Variants in ADGRE3 observed in about 807,000 individuals in gnomAD.
The protein encoded by ADGRE3 is adhesion G protein-coupled receptor E3.
In ADGRE3, 88 loss-of-function variants were observed where a neutral mutation model predicts 80.1. That is an observed-to-expected ratio of 1.10 (90% CI 0.93 to 1.31). ADGRE3 has a LOEUF of 1.31. Ranked by LOEUF, ADGRE3 falls within the 40% of genes most tolerant of loss-of-function variation. ADGRE3 has a pLI of 0.00. For missense variants in ADGRE3, 715 were observed against 776.5 expected (o/e 0.92, Z 0.94); for synonymous variants, 281 against 294.8 (o/e 0.95, Z 0.48).
In ADGRE3 at chr19:14,647,355, G is replaced by A; in HGVS notation, c.708C>T (p.Ala236=). 1 of 1,605,600 alleles carries A rather than the reference G, an allele frequency of 6.2e-7. No homozygotes were observed. Among genetic ancestry groups the A allele is most frequent in the East Asian group, 2.2e-5 (1 of 44,810 alleles). The stretch of plus-strand genomic sequence containing the variant: ...GAGAAGAATATGAGATAAAGGCAAT[G>A]GCACTGGGACCTGAGGAAACAGAAA... ...IIQGDTQGPS[A]IAFISYSSLG... is the part of the protein sequence containing the mutation. The change falls in exon 8 of 16, where the codon GCC becomes GCT. Residue 236 remains alanine (A), a synonymous_variant. Coordinates refer to ENST00000253673, the MANE Select transcript of ADGRE3 (RefSeq NM_032571.5).
chr19:14,657,133 G>C (rs545292743), intron 5 of ADGRE3, among the ~76,000 whole-genome samples: 2 of 152,082 alleles, frequency 1.3e-5, no homozygotes, highest in East Asian at 3.9e-4. Flanking sequence ...CTGACCTCGG[G>C]TGATCCACCC....
At chr19:14,655,835 A>T (rs1228143061) in intron 5 of ADGRE3, among the ~76,000 whole-genome samples, 1 of 151,918 alleles carries the variant, frequency 6.6e-6, no homozygotes, top group Non-Finnish European at 1.5e-5. Context: ...GTGGTTCTCA[A>T]CGGGGGGGTG....
chr19:14,636,293 C>T (rs1257803345), intron 11 of ADGRE3, among the ~76,000 whole-genome samples: 1 of 147,578 alleles, frequency 6.8e-6, no homozygotes, highest in Non-Finnish European at 1.5e-5. Flanking sequence ...AATCACAGCT[C>T]ACTGCAACTT....
intron 7 of ADGRE3, among the ~76,000 whole-genome samples, chr19:14,649,996 A>C (rs1302379080): frequency 4.8e-4 from 42 of 88,006 alleles, no homozygotes; most frequent in South Asian, 7.6e-4. Flanking sequence ...CTCTCTCTCC[A>C]TCTCTCCCTC....
chr19:14,617,254 T>C (rs185383719), downstream of ADGRE3, among the ~76,000 whole-genome samples: 3,196 of 151,616 alleles, frequency 0.021, 53 homozygotes, highest in African/African-American at 0.046. Context: ...CTTTTTTCTT[T>C]CTTCCTTCCT....
intron 11 of ADGRE3, among the ~76,000 whole-genome samples, chr19:14,633,726 AAT>A (rs1970954529): frequency 6.7e-6 from 1 of 149,210 alleles, no homozygotes; most frequent in African/African-American, 2.5e-5. Flanking sequence ...AATAAAATAA[AAT>A]AAAATAAAAT....
At chr19:14,605,848 C>T in the ADGRE3 span, among the ~76,000 whole-genome samples, 1 of 152,100 alleles carries the variant, frequency 6.6e-6, no homozygotes, top group Non-Finnish European at 1.5e-5. Context: ...AAGGGATCCT[C>T]CCACCTCAGC....
rs1340857905 is a variant in ADGRE3 at position 14,647,068 on chromosome 19, C to T, written c.882+113G>A. 19 of 750,258 alleles carry T rather than the reference C, an allele frequency of 2.5e-5. No homozygotes were observed. In the East Asian group the frequency reaches 4.0e-4, roughly 16 times the overall value. The allele number at this position is 750,258 out of a possible 1,614,324, so 46.5% of individuals were successfully genotyped here. ...CAAATGCTCAATAGCGACAGGTGCTCCTGACTACGACCCTGAACAGAGTGG... is the reference window on the plus strand; with the variant it reads ...CAAATGCTCAATAGCGACAGGTGCTTCTGACTACGACCCTGAACAGAGTGG... On this transcript the variant is annotated intron_variant, in intron 8 of 15. Coordinates refer to ENST00000253673, the MANE Select transcript of ADGRE3 (RefSeq NM_032571.5).
At chr19:14,649,430 A>C (rs1273093213) in intron 7 of ADGRE3, among the ~76,000 whole-genome samples, 104 of 84,864 alleles carry the variant, frequency 1.2e-3, no homozygotes, top group African/African-American at 1.5e-3. Context: ...CTCTAATTTC[A>C]TCTCTCTCTC....
chr19:14,617,304 T>C (rs2075080555), downstream of ADGRE3, among the ~76,000 whole-genome samples: 2 of 145,336 alleles, frequency 1.4e-5, no homozygotes, highest in Admixed American at 6.9e-5. Context: ...TCTCTCTTCC[T>C]CTCTCTCTTC....
In ADGRE3 at chr19:14,628,562, T is replaced by C. The variant is rs866883595; in HGVS notation, c.1812+1477A>G. The stretch of plus-strand genomic sequence containing the variant: ...CTCCTGCCTCAGCCTCCTGAAGTAC[T>C]GGAATTATGGGCATGAGTCACTGTG... On this transcript the variant is annotated intron_variant, in intron 14 of 15. Coordinates refer to ENST00000253673, the MANE Select transcript of ADGRE3 (RefSeq NM_032571.5). The C allele has an allele frequency of 1.7e-4, 31 of 184,080 alleles. No homozygotes were observed. In the Middle Eastern group the frequency reaches 2.6e-3, roughly 16 times the overall value. 11.4% of individuals were successfully genotyped at this position (184,080 alleles called of 1,614,324 possible). A position where few individuals can be genotyped will look rare whatever the true frequency, so the allele number is the denominator to read the frequency against.
In ADGRE3 at chr19:14,632,981, C is replaced by G. The variant is rs1407708914; in HGVS notation, c.1583G>C (p.Trp528Ser). 6.2e-7 allele frequency: 1 copy of G among 1,613,724 alleles called. No homozygotes were observed. The highest frequency in any genetic ancestry group is 8.5e-7 in the Non-Finnish European group (1 of 1,179,782). The change falls in exon 13 of 16, where the codon TGG becomes TCG. Residue 528 changes from tryptophan (W) to serine (S), a missense_variant. Trp to Ser is a radical substitution (Grantham distance 177, BLOSUM62 -3). Transcript: ENST00000253673. The stretch of plus-strand genomic sequence containing the variant: ...GGAGGAAAGTTTTCTTTTCAAAATC[C>G]AAAAGACCAAGATAAACAATACTAA... Reference protein sequence around the residue: ...ANLVLFILVFWILKRKLSSLN... With the variant: ...ANLVLFILVFSILKRKLSSLN...
intron 2 of ADGRE3, among the ~76,000 whole-genome samples, chr19:14,667,332 GTCT>G (rs1972129689): frequency 1.3e-5 from 2 of 150,906 alleles, no homozygotes; most frequent in South Asian, 2.1e-4. Flanking sequence ...TTCCATGAAT[GTCT>G]TCTTTTCTGT....
chr19:14,619,551 G>A, intron 15 of ADGRE3, 80 bp from the exon 16 acceptor site: 3 of 1,134,986 alleles, frequency 2.6e-6, no homozygotes, highest in Non-Finnish European at 4.0e-6. Flanking sequence ...TGGAAAAACA[G>A]CAGGAGTGAT....
rs1173314767 is a variant in ADGRE3 at position 14,636,081 on chromosome 19, C to CCTTTCTTTCTTT, written c.1484+2012_1484+2023dup. 3.4e-3 allele frequency among the ~76,000 whole-genome samples: 84 copies of CCTTTCTTTCTTT among 24,648 alleles called. 10 individuals are homozygous for CCTTTCTTTCTTT. The highest frequency in any genetic ancestry group is 0.028 in the East Asian group (19 of 674). The allele number at this position is 24,648 out of a possible 152,430, so 16.2% of individuals were successfully genotyped here. ...CCTTCCTTTCCTTTCCTTTCCTTTCCCTTTCTTTCTTTCTTTCTTTCTTTC... is the reference window on the plus strand; with the variant it reads ...CCTTCCTTTCCTTTCCTTTCCTTTCCCTTTCTTTCTTTCTTTCTTTCTTTCTTTCTTTCTTTC... On this transcript the variant is annotated intron_variant, in intron 11 of 15. Transcript: ENST00000253673.
chr19:14,633,876 A>C (rs1735556982), intron 11 of ADGRE3, among the ~76,000 whole-genome samples: 1 of 147,082 alleles, frequency 6.8e-6, no homozygotes, highest in Admixed American at 6.9e-5. Flanking sequence ...TCCTGGATTC[A>C]AGTGATTCTC....
At chr19:14,603,853 C>T in the ADGRE3 span, among the ~76,000 whole-genome samples, 12 of 152,138 alleles carry the variant, frequency 7.9e-5, no homozygotes, top group Admixed American at 7.9e-4. Flanking sequence ...ATTGGGGATC[C>T]AGTGATGACC....
rs1228007304 is a variant in ADGRE3 at position 14,638,240 on chromosome 19, T to A, written c.1349A>T (p.Asn450Ile). ...GCTTGAGTAGTTGACCACTGTCAGGTTCCGTGCAGTGAGGAAGAGGTGCAC... is the reference window on the plus strand; with the variant it reads ...GCTTGAGTAGTTGACCACTGTCAGGATCCGTGCAGTGAGGAAGAGGTGCAC... The part of the protein sequence containing the change: ...EGVHLFLTAR[N>I]LTVVNYSSIN... The change falls in exon 11 of 16, where the codon AAC (asparagine) becomes ATC (isoleucine). Residue 450 changes from asparagine to isoleucine, a missense_variant. By Grantham distance (149) the Asn-to-Ile change is moderately radical. Coordinates refer to ENST00000253673, the MANE Select transcript of ADGRE3 (RefSeq NM_032571.5). 6.2e-7 allele frequency: 1 copy of A among 1,613,918 alleles called. No homozygotes were observed. The highest frequency in any genetic ancestry group is 1.3e-5 in the African/African-American group (1 of 74,908).
downstream of ADGRE3, among the ~76,000 whole-genome samples, chr19:14,617,573 T>G (rs2075090099): frequency 6.6e-6 from 1 of 151,530 alleles, no homozygotes; most frequent in African/African-American, 2.4e-5. Context: ...AATATTTGCA[T>G]TTTTAGTAGA....
Sources: gnomAD v4.1 joint callset for allele counts (sites outside exome capture counted in the v4.1 genomes callset) on GRCh38, gnomAD v4.1.1 for gene constraint, MANE v1.5 for transcripts, NCBI Gene and HGNC (gene_info 2026-07-23, HGNC 2026-07-21) for gene names.